Variants in PCDHAC1 observed in about 807,000 individuals in gnomAD.
PCDHAC1 encodes the protein protocadherin alpha subfamily C, 1.
PCDHAC1 carries 42 observed loss-of-function variants against 60.0 expected under a neutral mutation model. That is an observed-to-expected ratio of 0.70 (90% CI 0.55 to 0.90). PCDHAC1 has a LOEUF of 0.90. Among genes scored for constraint, PCDHAC1 ranks in the 40% least tolerant of loss-of-function variants. The probability of loss-of-function intolerance (pLI) is 0.00; values close to 1 mark genes in which losing one functional copy is unlikely to be tolerated. For missense variants in PCDHAC1, 1,160 were observed against 1,222.3 expected (o/e 0.95, Z 0.76); for synonymous variants, 468 against 499.3 (o/e 0.94, Z 0.84).
chr5:140,956,464 A>C (rs1340273443), intron 1 of PCDHAC1, among the ~76,000 whole-genome samples: 1 of 152,148 alleles, frequency 6.6e-6, no homozygotes, highest in Admixed American at 6.6e-5. Flanking sequence ...ATTGATTTGC[A>C]TATGTTGAAC....
intron 1 of PCDHAC1, among the ~76,000 whole-genome samples, chr5:140,937,818 A>T (rs190175998): frequency 0.029 from 4,407 of 151,960 alleles, 79 homozygotes; most frequent in Admixed American, 0.046. Context: ...AAGCTGAGGC[A>T]GGAGAATGGC....
intron 3 of PCDHAC1, among the ~76,000 whole-genome samples, chr5:140,985,454 A>G (rs1378044295): frequency 1.3e-5 from 2 of 152,188 alleles, no homozygotes; most frequent in Non-Finnish European, 2.9e-5. Context: ...GAAAAGGGAA[A>G]TGCTCCAAAA....
chr5:140,963,175 T>C (rs1408160891), intron 1 of PCDHAC1, among the ~76,000 whole-genome samples: 1 of 152,046 alleles, frequency 6.6e-6, no homozygotes, highest in East Asian at 1.9e-4. Context: ...ATCTTACAGA[T>C]ATGCTGTAGA....
At chr5:140,970,650 ATTG>A (rs2096422935) in intron 1 of PCDHAC1, among the ~76,000 whole-genome samples, 1 of 152,200 alleles carries the variant, frequency 6.6e-6, no homozygotes, top group South Asian at 2.1e-4. Flanking sequence ...ATAGTGATGA[ATTG>A]TTATCTTTCC....
At chr5:140,964,566 G>A (rs2095840528) in intron 1 of PCDHAC1, among the ~76,000 whole-genome samples, 1 of 152,168 alleles carries the variant, frequency 6.6e-6, no homozygotes, top group Non-Finnish European at 1.5e-5. Context: ...GGGCTGGGAG[G>A]AGATAAGGGG....
rs1192362928 is a variant in PCDHAC1 at position 140,928,256 on chromosome 5, C to G, written c.1364C>G (p.Ala455Gly). The change falls in exon 1 of 4, where the codon GCT becomes GGT. Residue 455 changes from alanine to glycine, a missense_variant. Transcript: ENST00000253807. ...FPQPQQELFV[A>G]ENNGPGASLG... is the part of the protein sequence containing the mutation. ...CAACCCCAGCAGGAACTTTTCGTTG[C>G]TGAAAACAATGGCCCTGGGGCCTCT... 1.2e-5 allele frequency: 19 copies of G among 1,614,116 alleles called. No homozygotes were observed. The highest frequency in any genetic ancestry group is 1.5e-5 in the Non-Finnish European group (18 of 1,180,058).
Position 140,982,581 on chromosome 5 carries a change from C to T in PCDHAC1, c.2581+18C>T, listed in dbSNP as rs782060139. On this transcript the variant is annotated intron_variant, in intron 3 of 3. Transcript: ENST00000253807. ...AACACCAGGTAAAGAGCTGGGGTCT[C>T]TCCATTCTTTCTTGGTTTCTGGAAA... 9 of 1,612,098 alleles carry T rather than the reference C, an allele frequency of 5.6e-6. No individual in the cohort carries two copies. The highest frequency in any genetic ancestry group is 4.0e-5 in the African/African-American group (3 of 74,892).
chr5:140,927,776 T>C lies in PCDHAC1; in HGVS notation c.884T>C (p.Val295Ala), dbSNP rs781966197. ...CACCCTAAAAGTGGGGAGGTGCAAG[T>C]AGCTGCTTCACTAGGTCCGCCTGAA... ...HVHPKSGEVQ[V>A]AASLGPPETL... The change falls in exon 1 of 4, where the codon GTA (valine) becomes GCA (alanine). Residue 295 changes from valine to alanine, a missense_variant. By Grantham distance (64) the Val-to-Ala change is moderately conservative (BLOSUM62 0). Around this residue, in one of 3 missense-constraint regions of PCDHAC1, gnomAD observed 1,113 missense variants for 1,163.7 expected, o/e 0.96. Transcript: ENST00000253807. The C allele has an allele frequency of 7.4e-6, 12 of 1,614,140 alleles. No homozygotes were observed. The highest frequency in any genetic ancestry group is 1.1e-5 in the South Asian group (1 of 91,084).
intron 1 of PCDHAC1, among the ~76,000 whole-genome samples, chr5:140,942,542 G>C (rs1023135030): frequency 6.6e-5 from 10 of 152,046 alleles, no homozygotes; most frequent in African/African-American, 2.4e-4. Flanking sequence ...AGTATGGTGG[G>C]GGGTAGGGGG....
intron 1 of PCDHAC1, among the ~76,000 whole-genome samples, chr5:140,962,950 C>T (rs2095723700): frequency 6.6e-6 from 1 of 152,152 alleles, no homozygotes; most frequent in African/African-American, 2.4e-5. Flanking sequence ...ATAAGATATG[C>T]TCTATCCCTA....
chr5:140,965,676 G>A (rs906070464), intron 1 of PCDHAC1, among the ~76,000 whole-genome samples: 1 of 152,132 alleles, frequency 6.6e-6, no homozygotes, highest in African/African-American at 2.4e-5. Flanking sequence ...AAATGTAAAA[G>A]ATTTGAAGCA....
At chr5:140,996,597 C>G (rs183031992) in intron 3 of PCDHAC1, among the ~76,000 whole-genome samples, 47 of 152,304 alleles carry the variant, frequency 3.1e-4, no homozygotes, top group African/African-American at 1.1e-3. Context: ...CGCCTCCCCC[C>G]ATTTTCATTT....
At chr5:140,981,982 A>G (rs1026116713) in intron 2 of PCDHAC1, among the ~76,000 whole-genome samples, 6 of 152,218 alleles carry the variant, frequency 3.9e-5, no homozygotes, top group Admixed American at 2.0e-4. Context: ...AAAGAGTAAA[A>G]TAGAAAATAA....
intron 1 of PCDHAC1, among the ~76,000 whole-genome samples, chr5:140,960,338 G>A (rs2095541394): frequency 6.6e-6 from 1 of 152,172 alleles, no homozygotes; most frequent in Admixed American, 6.5e-5. Context: ...AGTACATGAG[G>A]TGAGATATGT....
intron 3 of PCDHAC1, among the ~76,000 whole-genome samples, chr5:140,988,057 C>G (rs557714672): frequency 2.0e-4 from 30 of 152,188 alleles, no homozygotes; most frequent in Non-Finnish European, 3.7e-4. Context: ...GCACTGTCAA[C>G]ATGAATTTTT....
chr5:140,969,005 G>A (rs149076230), intron 1 of PCDHAC1: 1 of 1,614,168 alleles, frequency 6.2e-7, no homozygotes, highest in Non-Finnish European at 8.5e-7. Flanking sequence ...AGGCTTCTGT[G>A]GAGTAAGGGA....
chr5:140,967,040 C>G, intron 1 of PCDHAC1: 1 of 1,611,752 alleles, frequency 6.2e-7, no homozygotes, highest in South Asian at 1.1e-5. Flanking sequence ...CTACCTGGAG[C>G]TGGACCTGAC....
intron 1 of PCDHAC1, among the ~76,000 whole-genome samples, chr5:140,945,407 T>G (rs554073823): frequency 6.6e-6 from 1 of 152,128 alleles, no homozygotes; most frequent in Non-Finnish European, 1.5e-5. Context: ...ATACAATTCG[T>G]ATCAAAATTT....
intron 3 of PCDHAC1, among the ~76,000 whole-genome samples, chr5:140,991,593 C>T (rs2097461164): frequency 6.6e-6 from 1 of 152,196 alleles, no homozygotes; most frequent in South Asian, 2.1e-4. Flanking sequence ...TCTACCTGAG[C>T]CCTCACTGGC....
Sources: allele counts gnomAD v4.1 joint callset (sites outside exome capture counted in the v4.1 genomes callset), GRCh38; gene constraint gnomAD v4.1.1; regional missense constraint gnomAD v4.1.1; transcripts MANE v1.5; gene names NCBI Gene and HGNC (gene_info 2026-07-23, HGNC 2026-07-21).